Variants in MEF2A observed in about 807,000 individuals in gnomAD.
MEF2A encodes the protein myocyte enhancer factor 2A, also known as myocyte-specific enhancer factor 2A.
A neutral mutation model predicts 55.8 loss-of-function variants in MEF2A; 28 were observed. The observed-to-expected ratio is 0.50, with a 90% CI of 0.37 to 0.69. MEF2A has a LOEUF of 0.69. Ranked by LOEUF, MEF2A falls within the 30% of genes least tolerant of loss-of-function variation. The pLI, the probability that MEF2A is intolerant of heterozygous loss-of-function variation, is 0.00. For missense variants in MEF2A, 528 were observed against 626.2 expected (o/e 0.84, Z 1.67); for synonymous variants, 239 against 227.1 (o/e 1.05, Z -0.47).
chr15:99,580,505 G>A (rs1453312800), intron 1 of MEF2A, among the ~76,000 whole-genome samples: 2 of 152,174 alleles, frequency 1.3e-5, no homozygotes, highest in African/African-American at 2.4e-5. Context: ...GTAAGCTAGA[G>A]TCTCCGGAAG....
In MEF2A at chr15:99,683,511, A is replaced by G. The variant is rs559920303; in HGVS notation, c.671-6730A>G. On this transcript the variant is annotated intron_variant, in intron 7 of 11. Coordinates refer to ENST00000557942, the MANE Select transcript of MEF2A (RefSeq NM_001319206.4). ...AGCCTCCACCTCTGCGGCTCAGGCAATTCTTCTGCGTCAGCCTCCCTAGTA... is the reference window on the plus strand; with the variant it reads ...AGCCTCCACCTCTGCGGCTCAGGCAGTTCTTCTGCGTCAGCCTCCCTAGTA... Among the ~76,000 whole-genome samples the G allele has an allele frequency of 4.4e-4, 67 of 152,198 alleles. No individual in the cohort carries two copies. The South Asian group carries it at 0.014, about 31-fold the overall frequency.
At chr15:99,626,730 G>A (rs1389509839) in intron 2 of MEF2A, among the ~76,000 whole-genome samples, 1 of 151,940 alleles carries the variant, frequency 6.6e-6, no homozygotes, top group Non-Finnish European at 1.5e-5. Flanking sequence ...ACATGAATTT[G>A]GGGAGAATTA....
At chr15:99,703,218 T>C in intron 8 of MEF2A, 144 bp from the exon 9 acceptor site, 1 of 650,390 alleles carries the variant, frequency 1.5e-6, no homozygotes, top group South Asian at 1.9e-5. Context: ...GTAATTTATA[T>C]TTCTATCTGT....
intron 8 of MEF2A, among the ~76,000 whole-genome samples, 155 bp from the exon 9 acceptor site, chr15:99,703,207 A>G (rs1490357893): frequency 6.6e-6 from 1 of 152,256 alleles, no homozygotes; most frequent in Non-Finnish European, 1.5e-5. Context: ...AGTAGAGACA[A>G]GTAATTTATA....
chr15:99,618,865 AAC>A (rs1397561920), intron 2 of MEF2A, among the ~76,000 whole-genome samples: 2 of 152,236 alleles, frequency 1.3e-5, no homozygotes, highest in Non-Finnish European at 2.9e-5. Flanking sequence ...GTAAAATAAA[AAC>A]AGTTTTTCTA....
chr15:99,623,701 A>G lies in MEF2A; in HGVS notation c.-142-9277A>G, dbSNP rs1252081371. Reference sequence around the variant, plus strand: ...AACATTGGTTTATCTTCTTTGGTGCAATGTCTATTCAAGTCCTTTGCCCAT... The same window carrying G: ...AACATTGGTTTATCTTCTTTGGTGCGATGTCTATTCAAGTCCTTTGCCCAT... On this transcript the variant is annotated intron_variant, in intron 2 of 11. Transcript: ENST00000557942. 2.0e-5 allele frequency among the ~76,000 whole-genome samples: 3 copies of G among 152,184 alleles called. No homozygotes were observed. The South Asian group carries it at 6.2e-4, about 32-fold the overall frequency.
intron 2 of MEF2A, among the ~76,000 whole-genome samples, chr15:99,604,827 C>A (rs1974479855): frequency 6.6e-6 from 1 of 151,712 alleles, no homozygotes; most frequent in South Asian, 2.1e-4. Flanking sequence ...GAAGCCTTTT[C>A]CGTGGGGTTA....
intron 2 of MEF2A, among the ~76,000 whole-genome samples, chr15:99,611,695 T>C (rs539138999): frequency 3.5e-4 from 54 of 152,366 alleles, no homozygotes; most frequent in African/African-American, 1.3e-3. Flanking sequence ...ATTGAAAGTA[T>C]ATGTCTGCAC....
intron 1 of MEF2A, among the ~76,000 whole-genome samples, chr15:99,596,111 A>G (rs562433865): frequency 6.6e-6 from 1 of 152,316 alleles, no homozygotes; most frequent in Admixed American, 6.5e-5. Flanking sequence ...GTCTTTTAGA[A>G]ACTACTTGAA....
chr15:99,616,683 A>ATG (rs1338750769), intron 2 of MEF2A, among the ~76,000 whole-genome samples: 1 of 152,068 alleles, frequency 6.6e-6, no homozygotes, highest in Non-Finnish European at 1.5e-5. Flanking sequence ...AAATAAATAT[A>ATG]TATATATATA....
At chr15:99,658,620 A>G (rs571683286) in intron 4 of MEF2A, among the ~76,000 whole-genome samples, 2 of 152,238 alleles carry the variant, frequency 1.3e-5, no homozygotes, top group African/African-American at 4.8e-5. Flanking sequence ...AAAAACAAAC[A>G]AAAACTCTAT....
At chr15:99,584,798 G>A (rs1285648142) in intron 1 of MEF2A, among the ~76,000 whole-genome samples, 2 of 152,052 alleles carry the variant, frequency 1.3e-5, no homozygotes, top group Non-Finnish European at 2.9e-5. Flanking sequence ...ATACCTGAGG[G>A]TATCAAAACA....
intron 1 of MEF2A, among the ~76,000 whole-genome samples, chr15:99,575,464 A>G (rs1445218415): frequency 6.6e-6 from 1 of 152,180 alleles, no homozygotes; most frequent in Admixed American, 6.5e-5. Flanking sequence ...TTTGGCAAAA[A>G]TCCCATGTAA....
intron 8 of MEF2A, among the ~76,000 whole-genome samples, chr15:99,691,302 A>T (rs989598630): frequency 6.6e-6 from 1 of 152,294 alleles, no homozygotes; most frequent in Non-Finnish European, 1.5e-5. Context: ...CCAGGCTAGA[A>T]GCATTAACCA....
intron 8 of MEF2A, 41 bp from the exon 9 acceptor site, chr15:99,703,321 G>A (rs771604245): frequency 2.4e-5 from 39 of 1,608,320 alleles, no homozygotes; most frequent in Admixed American, 1.8e-4. Context: ...AGTACCAACA[G>A]TCTTAGTAAC....
intron 3 of MEF2A, among the ~76,000 whole-genome samples, chr15:99,643,655 G>A (rs2153469722): frequency 1.3e-5 from 2 of 150,420 alleles, no homozygotes; most frequent in Middle Eastern, 6.8e-3. Context: ...GCAGTGGTGC[G>A]ATCTCGGCTC....
rs762442500 is a variant in MEF2A, at chr15:99,712,601, C to G, written c.1348C>G (p.Arg450Gly). Residue 450 changes from arginine (R) to glycine (G), a missense_variant, in exon 12 of 12, where the codon CGC (arginine) becomes GGC (glycine). Physicochemically the swap from Arg to Gly is moderately radical, Grantham distance 125. Coordinates refer to ENST00000557942, the MANE Select transcript of MEF2A (RefSeq NM_001319206.4). The surrounding 1 kb of genome is among the most constrained non-coding windows in gnomAD (Gnocchi z 4.1). Reference protein sequence around the residue: ...PQPQPRQEMGRSPVDSLSSSS... With the variant: ...PQPQPRQEMGGSPVDSLSSSS... ...GCCCCAGCCCCGACAGGAAATGGGG[C>G]GCTCCCCTGTGGACAGTCTGAGCAG... 1.9e-6 allele frequency: 3 copies of G among 1,551,766 alleles called. No homozygotes were observed. The highest frequency in any genetic ancestry group is 2.6e-6 in the Non-Finnish European group (3 of 1,147,060).
chr15:99,625,461 T>G (rs1483832163), intron 2 of MEF2A, among the ~76,000 whole-genome samples: 1 of 152,118 alleles, frequency 6.6e-6, no homozygotes, highest in Non-Finnish European at 1.5e-5. Flanking sequence ...TTTGGATGCC[T>G]TTATTTCTTT....
In MEF2A at chr15:99,603,380, T is replaced by A. The variant is rs540401188; in HGVS notation, c.-143+4869T>A. Among the ~76,000 whole-genome samples the A allele has an allele frequency of 7.9e-5, 12 of 152,150 alleles. No individual in the cohort carries two copies. In the South Asian group the frequency reaches 2.1e-3, roughly 26 times the overall value. On this transcript the variant is annotated intron_variant, in intron 2 of 11. Transcript: ENST00000557942. ...GTGGTCTGTGTTAGTAAAATTTTTT[T>A]TTTTTTTTTTCAAAGACAGTCTCAC...
Sources: allele counts gnomAD v4.1 joint callset (sites outside exome capture counted in the v4.1 genomes callset), GRCh38; gene constraint gnomAD v4.1.1; non-coding constraint Gnocchi (gnomAD v3.1); transcripts MANE v1.5; gene names NCBI Gene and HGNC (gene_info 2026-07-23, HGNC 2026-07-21).